XPR1: variants seen among roughly 807,000 people sequenced by gnomAD.
XPR1 encodes solute carrier family 53 member 1.
Under a neutral mutation model 87.5 loss-of-function variants are expected in XPR1, and 28 were observed. That is an observed-to-expected ratio of 0.32 (90% CI 0.24 to 0.44). The LOEUF (loss-of-function observed/expected upper bound fraction) is 0.44, where lower values mean the gene tolerates loss of function less well. Among genes scored for constraint, XPR1 ranks in the 20% least tolerant of loss-of-function variants. The pLI, the probability that XPR1 is intolerant of heterozygous loss-of-function variation, is 1.00. For synonymous variants in XPR1, 300 were observed against 306.1 expected (o/e 0.98, Z 0.21); for missense variants, 559 against 862.3 (o/e 0.65, Z 4.41).
intron 2 of XPR1, among the ~76,000 whole-genome samples, chr1:180,763,807 C>T (rs1312964190): frequency 6.6e-6 from 1 of 152,160 alleles, no homozygotes; most frequent in Non-Finnish European, 1.5e-5. Flanking sequence ...AGCCATCCAG[C>T]AGATGTGTCC....
At chr1:180,665,544 C>G (rs1334448248) in intron 1 of XPR1, among the ~76,000 whole-genome samples, 1 of 152,202 alleles carries the variant, frequency 6.6e-6, no homozygotes. Flanking sequence ...AACTCAAGTT[C>G]CTGCTACTAG....
chr1:180,734,012 A>G (rs1417191369), intron 2 of XPR1, among the ~76,000 whole-genome samples: 1 of 152,198 alleles, frequency 6.6e-6, no homozygotes, highest in Non-Finnish European at 1.5e-5. Flanking sequence ...TGAGAGAAAC[A>G]GTTAAAAAAG....
intron 2 of XPR1, among the ~76,000 whole-genome samples, chr1:180,749,020 G>A (rs922485770): frequency 1.3e-5 from 2 of 152,190 alleles, no homozygotes; most frequent in Non-Finnish European, 2.9e-5. Flanking sequence ...GTAATATAGC[G>A]AGACCTTGTC....
At chr1:180,766,988 A>G (rs1396682774) in intron 2 of XPR1, among the ~76,000 whole-genome samples, 1 of 152,246 alleles carries the variant, frequency 6.6e-6, no homozygotes, top group Non-Finnish European at 1.5e-5. Flanking sequence ...TGGTGAAGCT[A>G]TAAAGACATG....
At chr1:180,636,943 G>A (rs747948010) in intron 1 of XPR1, among the ~76,000 whole-genome samples, 2 of 151,490 alleles carry the variant, frequency 1.3e-5, no homozygotes, top group Admixed American at 6.6e-5. Context: ...TCCCACCTAC[G>A]CGGGAGACTG....
intron 2 of XPR1, among the ~76,000 whole-genome samples, chr1:180,712,298 G>A (rs776634192): frequency 6.6e-6 from 1 of 152,184 alleles, no homozygotes; most frequent in South Asian, 2.1e-4. Context: ...ACTAAAGGGT[G>A]TTAGTGTTGT....
intron 1 of XPR1, among the ~76,000 whole-genome samples, chr1:180,675,361 T>G (rs748529893): frequency 6.6e-5 from 10 of 152,180 alleles, no homozygotes; most frequent in Non-Finnish European, 1.3e-4. Flanking sequence ...AAGCAGCACT[T>G]TACATAAGAT....
chr1:180,699,157 T>G (rs956226154), intron 2 of XPR1, among the ~76,000 whole-genome samples: 2 of 151,918 alleles, frequency 1.3e-5, no homozygotes, highest in Non-Finnish European at 2.9e-5. Context: ...ATTTGTCTGC[T>G]TTATAGTGTC....
chr1:180,635,425 T>C (rs1312277264), intron 1 of XPR1, among the ~76,000 whole-genome samples: 1 of 152,206 alleles, frequency 6.6e-6, no homozygotes, highest in Non-Finnish European at 1.5e-5. Context: ...TAGACTAATA[T>C]GACCATGTTA....
At position 180,888,084 on chromosome 1, in the gene XPR1, C is replaced by T. The variant is rs892812213; in HGVS notation, c.*4018C>T. 2.0e-5 allele frequency: 3 copies of T among 152,134 alleles called. No individual in the cohort carries two copies. Among genetic ancestry groups the T allele is most frequent in the Admixed American group, 6.5e-5 (1 of 15,268 alleles). The allele number at this position is 152,134 out of a possible 1,614,324, so 9.4% of individuals were successfully genotyped here. ...AGGAAAGTACGTGAGCCTGATGACG[C>T]GAAGGTGATGCCTCCATCTGTCCGC... On this transcript the variant is annotated 3_prime_UTR_variant, in exon 15 of 15. Coordinates refer to ENST00000367590, the MANE Select transcript of XPR1 (RefSeq NM_004736.4).
At chr1:180,721,433 A>C (rs1398792940) in intron 2 of XPR1, among the ~76,000 whole-genome samples, 1 of 152,176 alleles carries the variant, frequency 6.6e-6, no homozygotes, top group Non-Finnish European at 1.5e-5. Flanking sequence ...CTGGAATGTC[A>C]GTTGACATAA....
intron 2 of XPR1, among the ~76,000 whole-genome samples, chr1:180,761,660 T>G (rs1648036528): frequency 6.6e-6 from 1 of 152,178 alleles, no homozygotes; most frequent in African/African-American, 2.4e-5. Flanking sequence ...GGAACACTTT[T>G]ACACTGTTGG....
At chr1:180,771,076 G>A (rs1452826218) in intron 2 of XPR1, among the ~76,000 whole-genome samples, 1 of 152,102 alleles carries the variant, frequency 6.6e-6, no homozygotes, top group Non-Finnish European at 1.5e-5. Context: ...TTCTCTCAAA[G>A]CACAGGGAAT....
intron 2 of XPR1, among the ~76,000 whole-genome samples, chr1:180,730,509 T>A (rs901464622): frequency 1.3e-5 from 2 of 152,186 alleles, no homozygotes; most frequent in Admixed American, 1.3e-4. Context: ...GGTGTTAAGA[T>A]TTACATGAAT....
At chr1:180,799,119 G>A (rs1336353597) in intron 3 of XPR1, among the ~76,000 whole-genome samples, 1 of 152,092 alleles carries the variant, frequency 6.6e-6, no homozygotes, top group East Asian at 1.9e-4. Flanking sequence ...ACCCAAAATG[G>A]CCAGGTGACA....
intron 1 of XPR1, among the ~76,000 whole-genome samples, chr1:180,677,776 AC>A (rs757713504): frequency 2.0e-5 from 3 of 152,208 alleles, no homozygotes; most frequent in Non-Finnish European, 4.4e-5. Flanking sequence ...ACTATAAACT[AC>A]GTTCCTCCCA....
At chr1:180,682,624 T>C (rs1293769686) in intron 2 of XPR1, among the ~76,000 whole-genome samples, 5 of 152,150 alleles carry the variant, frequency 3.3e-5, no homozygotes, top group African/African-American at 9.7e-5. Flanking sequence ...TCTTTTACTA[T>C]GTCTTTGTGT....
At chr1:180,722,723 A>T (rs1658215975) in intron 2 of XPR1, among the ~76,000 whole-genome samples, 1 of 152,180 alleles carries the variant, frequency 6.6e-6, no homozygotes, top group Non-Finnish European at 1.5e-5. Context: ...GCTGTTTTTT[A>T]GCTTGATACA....
chr1:180,774,028 G>A (rs1452806601), intron 2 of XPR1, among the ~76,000 whole-genome samples: 7 of 151,912 alleles, frequency 4.6e-5, no homozygotes, highest in African/African-American at 1.7e-4. Flanking sequence ...GCTTTGTTCT[G>A]TCATCTTTCT....
Sources: allele counts gnomAD v4.1 joint callset (sites outside exome capture counted in the v4.1 genomes callset), GRCh38; gene constraint gnomAD v4.1.1; transcripts MANE v1.5; gene names NCBI Gene and HGNC (gene_info 2026-07-23, HGNC 2026-07-21).